FAM110B: variants seen among roughly 807,000 people sequenced by gnomAD.
FAM110B encodes protein FAM110B.
Under a neutral mutation model 20.4 loss-of-function variants are expected in FAM110B, and 6 were observed. The ratio of observed to expected loss-of-function variants is 0.29; its 90% CI spans 0.16 to 0.58. The LOEUF is 0.58. Ranked by LOEUF, FAM110B falls within the 20% of genes least tolerant of loss-of-function variation. The pLI is 0.90. For synonymous variants in FAM110B, 226 were observed against 214.1 expected, an observed-to-expected ratio of 1.06 and a Z score of -0.49; for missense variants, 434 against 498.2, an observed-to-expected ratio of 0.87 and a Z score of 1.23.
intron 3 of FAM110B, among the ~76,000 whole-genome samples, chr8:58,081,418 G>A (rs145317630): frequency 1.7e-3 from 264 of 152,206 alleles, no homozygotes; most frequent in African/African-American, 5.6e-3. Context: ...TATTGGATAC[G>A]CTGGTCTCGA....
At chr8:58,135,660 G>A (rs1297088968) in intron 3 of FAM110B, among the ~76,000 whole-genome samples, 1 of 152,170 alleles carries the variant, frequency 6.6e-6, no homozygotes, top group Non-Finnish European at 1.5e-5. Context: ...AGCTAAAGGA[G>A]AAAGCAGTAA....
At chr8:58,016,073 T>C (rs1160468484) in intron 1 of FAM110B, among the ~76,000 whole-genome samples, 1 of 152,184 alleles carries the variant, frequency 6.6e-6, no homozygotes, top group Non-Finnish European at 1.5e-5. Context: ...GTAGAGTATC[T>C]TTTAATCAGT....
rs950762607 is a variant in FAM110B, at chr8:58,130,753, G to A, written c.-324-15154G>A. ...GTTTTCTCCTAGGATCTGATTCCCT[G>A]TTGATAAACTTTAAGTTCACAGAAG... On this transcript the variant is annotated intron_variant, in intron 3 of 3. Transcript: ENST00000519262. Among the ~76,000 whole-genome samples the A allele has an allele frequency of 2.0e-5, 3 of 152,070 alleles. 1 individual carries two copies. The highest frequency in any genetic ancestry group is 1.3e-4 in the Admixed American group (2 of 15,266).
intron 2 of FAM110B, among the ~76,000 whole-genome samples, chr8:58,041,770 T>C (rs1227062987): frequency 6.6e-6 from 1 of 152,240 alleles, no homozygotes; most frequent in African/African-American, 2.4e-5. Context: ...AACCATCTGC[T>C]AAGTAAGGAC....
intron 1 of FAM110B, among the ~76,000 whole-genome samples, chr8:58,019,577 A>C (rs1291243613): frequency 6.6e-6 from 1 of 151,918 alleles, no homozygotes; most frequent in Non-Finnish European, 1.5e-5. Context: ...TTTAGCCGAA[A>C]ACTTCTTGAA....
chr8:58,111,545 GTT>G (rs1355418640), intron 3 of FAM110B, among the ~76,000 whole-genome samples: 1 of 151,956 alleles, frequency 6.6e-6, no homozygotes, highest in African/African-American at 2.4e-5. Flanking sequence ...TACAGAAGGT[GTT>G]TATGTGTATT....
intron 2 of FAM110B, among the ~76,000 whole-genome samples, chr8:58,064,780 G>A (rs1805728779): frequency 1.3e-5 from 2 of 152,202 alleles, no homozygotes; most frequent in African/African-American, 4.8e-5. Flanking sequence ...GCATAGAAAA[G>A]TTAAGTAGTT....
At chr8:58,110,253 T>C (rs1303399745) in intron 3 of FAM110B, among the ~76,000 whole-genome samples, 1 of 152,194 alleles carries the variant, frequency 6.6e-6, no homozygotes, top group Non-Finnish European at 1.5e-5. Flanking sequence ...ATTGTAGTTA[T>C]TAGTGTAATT....
chr8:58,065,958 A>G lies in FAM110B; in HGVS notation c.-413-9577A>G, dbSNP rs906904366. Among the ~76,000 whole-genome samples the G allele has an allele frequency of 5.3e-5, 8 of 152,294 alleles. No homozygotes were observed. In the East Asian group the frequency reaches 1.2e-3, roughly 22 times the overall value. On this transcript the variant is annotated intron_variant, in intron 2 of 3. Transcript: ENST00000519262. Reference sequence around the variant, plus strand: ...CCTGACACAGCATTTGGCAAATGATAGGAGTAAATAAATACTAGTTAAATG... The same window carrying G: ...CCTGACACAGCATTTGGCAAATGATGGGAGTAAATAAATACTAGTTAAATG...
At chr8:58,071,641 C>T (rs529252759) in intron 2 of FAM110B, among the ~76,000 whole-genome samples, 31 of 152,120 alleles carry the variant, frequency 2.0e-4, no homozygotes, top group African/African-American at 2.9e-4. Context: ...CTTTCAGGTC[C>T]ATCCTGGCAG....
At chr8:58,060,420 G>A (rs1010659423) in intron 2 of FAM110B, among the ~76,000 whole-genome samples, 1 of 152,176 alleles carries the variant, frequency 6.6e-6, no homozygotes, top group African/African-American at 2.4e-5. Context: ...GCATGAGTGA[G>A]CACAGACTAC....
intron 3 of FAM110B, among the ~76,000 whole-genome samples, chr8:58,129,884 A>G (rs1803410491): frequency 6.6e-6 from 1 of 152,050 alleles, no homozygotes. Flanking sequence ...TCTACTTATC[A>G]AAAACATTCT....
intron 2 of FAM110B, among the ~76,000 whole-genome samples, chr8:58,037,511 G>A (rs1264230626): frequency 6.6e-6 from 1 of 151,694 alleles, no homozygotes; most frequent in Non-Finnish European, 1.5e-5. Context: ...TGTGGTGCAC[G>A]CCTATAACCC....
At chr8:58,031,382 T>G (rs1317824651) in intron 1 of FAM110B, 1 of 152,226 alleles carries the variant, frequency 6.6e-6, no homozygotes, top group Admixed American at 6.5e-5. Context: ...TAGTTTGTTT[T>G]CCATTGAATA....
chr8:58,060,424 A>G (rs1369777331), intron 2 of FAM110B, among the ~76,000 whole-genome samples: 1 of 152,256 alleles, frequency 6.6e-6, no homozygotes, highest in African/African-American at 2.4e-5. Flanking sequence ...GAGTGAGCAC[A>G]GACTACAGAG....
At chr8:58,045,259 G>A (rs984658979) in intron 2 of FAM110B, among the ~76,000 whole-genome samples, 4 of 152,324 alleles carry the variant, frequency 2.6e-5, no homozygotes, top group Admixed American at 1.3e-4. Flanking sequence ...GTGGCAGGGT[G>A]TCAGCAAAGT....
intron 2 of FAM110B, among the ~76,000 whole-genome samples, chr8:58,050,505 TGTC>T (rs1345474388): frequency 2.0e-5 from 3 of 152,204 alleles, no homozygotes; most frequent in Non-Finnish European, 4.4e-5. Flanking sequence ...TCATTCAGGT[TGTC>T]GGCAGGGCTG....
intron 2 of FAM110B, among the ~76,000 whole-genome samples, chr8:58,064,961 C>T (rs969692240): frequency 1.3e-5 from 2 of 152,144 alleles, no homozygotes; most frequent in African/African-American, 4.8e-5. Context: ...AGACAGCTAT[C>T]CTTTAGCCTC....
chr8:58,123,229 C>G (rs1368705356), intron 3 of FAM110B, among the ~76,000 whole-genome samples: 1 of 152,064 alleles, frequency 6.6e-6, no homozygotes, highest in African/African-American at 2.4e-5. Flanking sequence ...TTTCAGGAGC[C>G]CACTACTGCT....
Sources: allele counts gnomAD v4.1 joint callset (sites outside exome capture counted in the v4.1 genomes callset), GRCh38; gene constraint gnomAD v4.1.1; transcripts MANE v1.5; gene names NCBI Gene and HGNC (gene_info 2026-07-23, HGNC 2026-07-21).